Variants in PALD1 observed in about 807,000 individuals in gnomAD.
PALD1 encodes the protein paladin.
PALD1 carries 57 observed loss-of-function variants against 96.0 expected under a neutral mutation model. The ratio of observed to expected loss-of-function variants is 0.59; its 90% CI spans 0.48 to 0.74. The LOEUF is 0.74. PALD1 is among the 30% of genes least tolerant of loss of function. PALD1 has a pLI of 0.00. For missense variants in PALD1, 1,063 were observed against 1,143.7 expected, an observed-to-expected ratio of 0.93 and a Z score of 1.02; for synonymous variants, 464 against 473.6, an observed-to-expected ratio of 0.98 and a Z score of 0.26.
In PALD1 at chr10:70,566,716, C is replaced by A; in HGVS notation, c.2554C>A (p.Pro852Thr). Reference sequence around the variant, plus strand: ...GAGCTGCAGCCTCGAGCCCTCTGCCCCCGAGGACTTGCTGTAGGGGGCCTT... The same window carrying A: ...GAGCTGCAGCCTCGAGCCCTCTGCCACCGAGGACTTGCTGTAGGGGGCCTT... ...EQSCSLEPSA[P>T]EDLL Residue 852 changes from proline (P) to threonine (T), a missense_variant, in exon 20 of 20, where the codon CCC (proline) becomes ACC (threonine). Physicochemically the swap from Pro to Thr is conservative, Grantham distance 38. Coordinates refer to ENST00000263563, the MANE Select transcript of PALD1 (RefSeq NM_014431.3). 1 of 1,599,920 alleles carries A rather than the reference C, an allele frequency of 6.3e-7. No homozygotes were observed. The highest frequency in any genetic ancestry group is 8.5e-7 in the Non-Finnish European group (1 of 1,174,928).
chr10:70,521,937 G>A (rs961094352), intron 1 of PALD1, among the ~76,000 whole-genome samples: 1 of 152,044 alleles, frequency 6.6e-6, no homozygotes, highest in Non-Finnish European at 1.5e-5. Context: ...AAGGAAATAT[G>A]TTTCATTGAG....
intron 10 of PALD1, among the ~76,000 whole-genome samples, chr10:70,537,109 GTTC>G: frequency 6.6e-6 from 1 of 151,652 alleles, no homozygotes; most frequent in Middle Eastern, 3.4e-3. Context: ...AGAGGCTCCA[GTTC>G]TTTTTTTTTT....
chr10:70,485,153 A>G (rs1046218074), intron 1 of PALD1, among the ~76,000 whole-genome samples: 4 of 144,416 alleles, frequency 2.8e-5, no homozygotes, highest in African/African-American at 1.0e-4. Context: ...TAGCAATGTT[A>G]TCTTATTATT....
At chr10:70,561,074 G>T (rs1473796690) in intron 18 of PALD1, among the ~76,000 whole-genome samples, 1 of 152,188 alleles carries the variant, frequency 6.6e-6, no homozygotes, top group Non-Finnish European at 1.5e-5. Flanking sequence ...GTACACAGTG[G>T]TCTGAATTTG....
At chr10:70,476,930 T>A (rs919905017), upstream of PALD1, among the ~76,000 whole-genome samples, 1 of 152,096 alleles carries the variant, frequency 6.6e-6, no homozygotes, top group Non-Finnish European at 1.5e-5. Context: ...GTGTATGTGC[T>A]ATGTTTCTGT....
chr10:70,557,410 C>G lies in PALD1; in HGVS notation c.2263-6954C>G, dbSNP rs113146712. ...TCAGCATTGAATCTCTGTGCCTGGC[C>G]TAGAGGTGCTGCTGAACAGCGTCTG... On this transcript the variant is annotated intron_variant, in intron 18 of 19. Transcript: ENST00000263563. Among the ~76,000 whole-genome samples the G allele has an allele frequency of 4.6e-5, 7 of 152,196 alleles. No individual in the cohort carries two copies. In the South Asian group the frequency reaches 6.2e-4, roughly 13 times the overall value.
the PALD1 span, among the ~76,000 whole-genome samples, chr10:70,458,984 T>A: frequency 6.6e-6 from 1 of 152,220 alleles, no homozygotes; most frequent in South Asian, 2.1e-4. Context: ...GGTGCTGCAC[T>A]GCTAAACCAA....
rs1327812595 is a variant in PALD1 at position 70,547,303 on chromosome 10, C to T, written c.2122-3C>T. On this transcript the variant is annotated splice_region_variant and splice_polypyrimidine_tract_variant and intron_variant, in intron 17 of 19. Coordinates refer to ENST00000263563, the MANE Select transcript of PALD1 (RefSeq NM_014431.3). Reference sequence around the variant, plus strand: ...TCTGCTCACCCCCCTTCTCTGGCCCCAGGTAGTAATGAAGGTGGTGCAGCT... The same window carrying T: ...TCTGCTCACCCCCCTTCTCTGGCCCTAGGTAGTAATGAAGGTGGTGCAGCT... 1 of 1,613,360 alleles carries T rather than the reference C, an allele frequency of 6.2e-7. No individual in the cohort carries two copies. Among genetic ancestry groups the T allele is most frequent in the Non-Finnish European group, 8.5e-7 (1 of 1,179,572 alleles).
chr10:70,490,985 C>T (rs896790846), intron 1 of PALD1, among the ~76,000 whole-genome samples: 8 of 151,926 alleles, frequency 5.3e-5, no homozygotes, highest in African/African-American at 9.7e-5. Flanking sequence ...GACAGAGTCT[C>T]GCTCTGTCGC....
intron 17 of PALD1, among the ~76,000 whole-genome samples, chr10:70,543,406 C>CT (rs1459057903): frequency 1.3e-5 from 2 of 152,080 alleles, no homozygotes; most frequent in East Asian, 3.9e-4. Flanking sequence ...TCTGTTTTTT[C>CT]TTTTGTTGCC....
intron 2 of PALD1, among the ~76,000 whole-genome samples, chr10:70,528,899 C>A (rs773974841): frequency 2.0e-5 from 3 of 152,152 alleles, no homozygotes; most frequent in Non-Finnish European, 4.4e-5. Context: ...ATAGAAGGCA[C>A]CTCTTCTCTT....
chr10:70,460,831 G>A, the PALD1 span, among the ~76,000 whole-genome samples: 11 of 152,162 alleles, frequency 7.2e-5, no homozygotes, highest in Admixed American at 2.6e-4. Context: ...CGAGGCGGGC[G>A]GATCACCTGA....
intron 1 of PALD1, among the ~76,000 whole-genome samples, chr10:70,502,308 G>T (rs576087275): frequency 1.3e-5 from 2 of 152,258 alleles, no homozygotes; most frequent in Admixed American, 6.5e-5. Flanking sequence ...TCCTGTTAAG[G>T]ATGTTCATCT....
intron 1 of PALD1, among the ~76,000 whole-genome samples, chr10:70,509,617 C>G (rs186093267): frequency 3.9e-5 from 6 of 152,300 alleles, no homozygotes; most frequent in Admixed American, 2.6e-4. Flanking sequence ...GAGGCCCATT[C>G]ATTTCCACTG....
At chr10:70,534,711 T>G in intron 9 of PALD1, 28 bp from the exon 10 acceptor site, 6 of 842,164 alleles carry the variant, frequency 7.1e-6, no homozygotes, top group Non-Finnish European at 1.2e-5. Flanking sequence ...CCCACCTCCC[T>G]CTTACTTGCC....
the PALD1 span, among the ~76,000 whole-genome samples, chr10:70,471,765 A>G: frequency 6.6e-6 from 1 of 152,236 alleles, no homozygotes; most frequent in Admixed American, 6.5e-5. Context: ...ATTTGCATGG[A>G]TACTGCCAGA....
At chr10:70,491,145 C>T (rs1367124288) in intron 1 of PALD1, among the ~76,000 whole-genome samples, 7 of 152,152 alleles carry the variant, frequency 4.6e-5, no homozygotes. Flanking sequence ...CGGGGTTTCA[C>T]CATGTTAGCC....
intron 18 of PALD1, among the ~76,000 whole-genome samples, chr10:70,562,522 G>A (rs960306730): frequency 6.6e-6 from 1 of 152,322 alleles, no homozygotes; most frequent in South Asian, 2.1e-4. Context: ...GTTCCTGTGC[G>A]GAAGGGCTTC....
intron 19 of PALD1, 52 bp from the exon 20 acceptor site, chr10:70,566,529 G>C: frequency 6.8e-7 from 1 of 1,464,624 alleles, no homozygotes; most frequent in Non-Finnish European, 9.4e-7. Context: ...AGTGGCCTTA[G>C]TGGCACCCTC....
Sources: allele counts gnomAD v4.1 joint callset (sites outside exome capture counted in the v4.1 genomes callset), GRCh38; gene constraint gnomAD v4.1.1; transcripts MANE v1.5; gene names NCBI Gene and HGNC (gene_info 2026-07-23, HGNC 2026-07-21).